SLC35G1: variants seen among roughly 807,000 people sequenced by gnomAD.
SLC35G1 encodes the protein solute carrier family 35 member G1.
SLC35G1 carries 10 observed loss-of-function variants against 17.1 expected under a neutral mutation model. That is an observed-to-expected ratio of 0.59 (90% CI 0.36 to 0.99). The LOEUF is 0.99. SLC35G1 is among the 50% of genes least tolerant of loss of function. The pLI is 0.01. For missense variants in SLC35G1, 433 were observed against 468.4 expected, an observed-to-expected ratio of 0.92 and a Z score of 0.70; for synonymous variants, 185 against 181.1, an observed-to-expected ratio of 1.02 and a Z score of -0.18.
downstream of SLC35G1, among the ~76,000 whole-genome samples, chr10:93,906,856 T>A (rs1016512510): frequency 7.9e-5 from 12 of 152,144 alleles, no homozygotes; most frequent in Non-Finnish European, 1.6e-4. Context: ...ATACTAAGAA[T>A]GTTATTAGTC....
rs1304158420 is a variant in SLC35G1, at chr10:93,902,093, T to G, written c.*603T>G. ...AGGATTTTATAAATGATTATCATAC[T>G]TGTAACTCATATTTGTGCCTTTTCA... On this transcript the variant is annotated 3_prime_UTR_variant, in exon 3 of 3. Coordinates refer to ENST00000427197, the MANE Select transcript of SLC35G1 (RefSeq NM_001134658.3). The G allele has an allele frequency of 3.9e-5, 6 of 152,630 alleles. No individual in the cohort carries two copies. The highest frequency in any genetic ancestry group is 1.4e-4 in the African/African-American group (6 of 41,446). The allele number at this position is 152,630 out of a possible 1,614,324, so 9.5% of individuals were successfully genotyped here. A position where few individuals can be genotyped will look rare whatever the true frequency, so the allele number is the denominator to read the frequency against.
chr10:93,896,342 A>C (rs1398918965), intron 1 of SLC35G1, among the ~76,000 whole-genome samples: 2 of 152,170 alleles, frequency 1.3e-5, no homozygotes, highest in Admixed American at 6.5e-5. Flanking sequence ...CCCAACCAGG[A>C]TTGCGAATCA....
At chr10:93,900,289 C>T (rs2060370999) in intron 2 of SLC35G1, among the ~76,000 whole-genome samples, 1 of 152,134 alleles carries the variant, frequency 6.6e-6, no homozygotes. Flanking sequence ...AGTTTCCTTA[C>T]ACAGGGCAGC....
rs1278373828 is a variant in SLC35G1 at position 93,901,628 on chromosome 10, A to G, written c.*138A>G. 7 of 979,714 alleles carry G rather than the reference A, an allele frequency of 7.1e-6. No homozygotes were observed. In the African/African-American group the frequency reaches 1.2e-4, roughly 16 times the overall value. The allele number at this position is 979,714 out of a possible 1,614,324, so 60.7% of individuals were successfully genotyped here. On this transcript the variant is annotated 3_prime_UTR_variant, in exon 3 of 3. Transcript: ENST00000427197. The stretch of plus-strand genomic sequence containing the variant: ...ATTGCCTAAAGTACCATTTTTGAAT[A>G]TAGTATGTCTTTAGTTAAGAATAGC...
chr10:93,900,555 C>G (rs1375935090), intron 2 of SLC35G1, among the ~76,000 whole-genome samples, 197 bp from the exon 3 acceptor site: 1 of 151,992 alleles, frequency 6.6e-6, no homozygotes, highest in Middle Eastern at 3.2e-3. Flanking sequence ...ACTGTGAACA[C>G]TTTACTGTCA....
chr10:93,900,215 T>C (rs899273057), intron 2 of SLC35G1, among the ~76,000 whole-genome samples: 8 of 152,204 alleles, frequency 5.3e-5, no homozygotes, highest in Non-Finnish European at 1.0e-4. Flanking sequence ...CTAAAATAAA[T>C]TTTAGCAGTT....
downstream of SLC35G1, chr10:93,907,835 G>A (rs2134075252): frequency 6.7e-6 from 1 of 148,594 alleles, no homozygotes; most frequent in South Asian, 2.1e-4. Context: ...TAAAATTGGT[G>A]GAACAAAAAT....
intron 1 of SLC35G1, among the ~76,000 whole-genome samples, chr10:93,895,888 G>A (rs1256115858): frequency 6.6e-6 from 1 of 152,154 alleles, no homozygotes; most frequent in Non-Finnish European, 1.5e-5. Context: ...CACATCCTCT[G>A]GAGGGAGTTA....
Position 93,894,136 on chromosome 10 carries a change from G to A in SLC35G1, c.103G>A (p.Glu35Lys). 6.7e-7 allele frequency: 1 copy of A among 1,484,490 alleles called. No homozygotes were observed. The highest frequency in any genetic ancestry group is 1.3e-5 in the South Asian group (1 of 78,796). 92.0% of individuals were successfully genotyped at this position (1,484,490 alleles called of 1,614,324 possible). Residue 35 changes from glutamate (E) to lysine (K), a missense_variant, in exon 1 of 3, where the codon GAG (glutamate) becomes AAG (lysine). By Grantham distance (56) the Glu-to-Lys change is moderately conservative. Transcript: ENST00000427197. ...CGCCACTGAGGAGCCGGCGGCCGCC[G>A]AGGCAGCTGGGGCGCCAGACCGCGG... The part of the protein sequence containing the change: ...PGATEEPAAA[E>K]AAGAPDRGRC...
intron 2 of SLC35G1, among the ~76,000 whole-genome samples, chr10:93,899,313 A>G (rs897880848): frequency 6.6e-5 from 10 of 152,078 alleles, no homozygotes; most frequent in African/African-American, 2.4e-4. Context: ...GTCAAATAAG[A>G]TTTATTATAG....
chr10:93,897,271 C>T (rs764846125), intron 1 of SLC35G1, among the ~76,000 whole-genome samples: 3 of 152,114 alleles, frequency 2.0e-5, no homozygotes, highest in Non-Finnish European at 4.4e-5. Flanking sequence ...ATACTTTGGT[C>T]CCAGTTTGCA....
exon 3 of SLC35G1, chr10:93,908,862 T>C (rs1044386337): frequency 2.0e-5 from 3 of 152,160 alleles, no homozygotes; most frequent in East Asian, 3.9e-4. Flanking sequence ...CATCTGAATA[T>C]ACAGAAGTGA....
chr10:93,905,469 A>G (rs529304010), downstream of SLC35G1, among the ~76,000 whole-genome samples: 1 of 152,284 alleles, frequency 6.6e-6, no homozygotes, highest in African/African-American at 2.4e-5. Context: ...AGGGACTCTG[A>G]TCCACATTGA....
chr10:93,908,448 G>A (rs1047529773), downstream of SLC35G1: 10 of 152,216 alleles, frequency 6.6e-5, no homozygotes, highest in Non-Finnish European at 1.3e-4. Flanking sequence ...ATTGAGGGTG[G>A]TAGAATGCAG....
Position 93,901,331 on chromosome 10 carries a change from A to C in SLC35G1, c.939A>C (p.Pro313=), listed in dbSNP as rs748629337. The C allele has an allele frequency of 6.2e-7, 1 of 1,614,084 alleles. No homozygotes were observed. Among genetic ancestry groups the C allele is most frequent in the Non-Finnish European group, 8.5e-7 (1 of 1,179,964 alleles). ...CACTTCAAATAGAAAAAGCAGGGCCAGTAGCAATAATGAAGACAATGGATG... is the reference window on the plus strand; with the variant it reads ...CACTTCAAATAGAAAAAGCAGGGCCCGTAGCAATAATGAAGACAATGGATG... ...TKALQIEKAG[P]VAIMKTMDVV... Residue 313 remains proline, a synonymous_variant, in exon 3 of 3, where the codon CCA becomes CCC. Coordinates refer to ENST00000427197, the MANE Select transcript of SLC35G1 (RefSeq NM_001134658.3).
chr10:93,900,637 C>A, intron 2 of SLC35G1, 115 bp from the exon 3 acceptor site: 14 of 608,686 alleles, frequency 2.3e-5, no homozygotes, highest in East Asian at 3.5e-5. Flanking sequence ...AATTAATTTA[C>A]TATTCCCTCA....
At chr10:93,897,757 G>T (rs939432853) in intron 1 of SLC35G1, among the ~76,000 whole-genome samples, 2 of 152,172 alleles carry the variant, frequency 1.3e-5, no homozygotes, top group Admixed American at 1.3e-4. Flanking sequence ...TGGTTTCCTC[G>T]TTCAGATCGA....
intron 2 of SLC35G1, among the ~76,000 whole-genome samples, chr10:93,899,986 G>A (rs142846873): frequency 6.6e-5 from 10 of 152,230 alleles, no homozygotes; most frequent in African/African-American, 1.9e-4. Context: ...CAAGATACCC[G>A]GGGTAGCCTA....
chr10:93,900,182 A>T (rs758663676), intron 2 of SLC35G1, among the ~76,000 whole-genome samples: 20 of 152,228 alleles, frequency 1.3e-4, no homozygotes, highest in Non-Finnish European at 2.8e-4. Flanking sequence ...GAGAACAATG[A>T]AAACTTGTCT....
Sources: allele counts gnomAD v4.1 joint callset (sites outside exome capture counted in the v4.1 genomes callset), GRCh38; gene constraint gnomAD v4.1.1; transcripts MANE v1.5; gene names NCBI Gene and HGNC (gene_info 2026-07-23, HGNC 2026-07-21).